Variants in ARSF observed in about 807,000 individuals in gnomAD.
The protein encoded by ARSF is arylsulfatase F.
ARSF carries 33 observed loss-of-function variants against 35.4 expected under a neutral mutation model. The observed-to-expected ratio is 0.93, with a 90% CI of 0.71 to 1.25. The LOEUF is 1.25. Ranked by LOEUF, ARSF falls within the 50% of genes most tolerant of loss-of-function variation. ARSF has a pLI of 0.00. For synonymous variants in ARSF, 222 were observed against 193.1 expected, an observed-to-expected ratio of 1.15 and a Z score of -1.24; for missense variants, 501 against 480.2, an observed-to-expected ratio of 1.04 and a Z score of -0.40.
intron 9 of ARSF, among the ~76,000 whole-genome samples, chrX:3,104,812 T>A (rs1448615597): frequency 8.9e-6 from 1 of 111,949 alleles, no homozygotes; most frequent in Non-Finnish European, 1.9e-5. Flanking sequence ...ACAGGAAGCT[T>A]TGGAGATGAA....
chrX:3,075,258 G>A (rs1164109905), intron 3 of ARSF, among the ~76,000 whole-genome samples: 2 of 111,685 alleles, frequency 1.8e-5, no homozygotes, highest in Non-Finnish European at 3.8e-5. Context: ...GAACCCTGCA[G>A]AACAACAGCT....
At chrX:3,046,961 G>GA (rs144220506) in intron 1 of ARSF, among the ~76,000 whole-genome samples, 102 of 103,952 alleles carry the variant, frequency 9.8e-4, no homozygotes, top group African/African-American at 2.4e-3. Context: ...TAGCTGATGA[G>GA]AAAAAAAAAA....
intron 9 of ARSF, among the ~76,000 whole-genome samples, chrX:3,109,202 C>A (rs1177850483): frequency 9.1e-6 from 1 of 110,111 alleles, no homozygotes; most frequent in Admixed American, 9.8e-5. Context: ...GCTTGTAATC[C>A]CAGCTACTTG....
At chrX:3,067,240 G>A (rs1018703656) in intron 1 of ARSF, among the ~76,000 whole-genome samples, 4 of 110,349 alleles carry the variant, frequency 3.6e-5, no homozygotes, top group African/African-American at 6.6e-5. Context: ...GGAGGAATGC[G>A]TTTGTATTTT....
At chrX:3,053,679 C>A (rs924553849) in intron 1 of ARSF, among the ~76,000 whole-genome samples, 7 of 109,623 alleles carry the variant, frequency 6.4e-5, no homozygotes, top group Non-Finnish European at 1.3e-4. Flanking sequence ...CGGCTCACTG[C>A]AACCTCCACC....
In ARSF at chrX:3,095,527, G is replaced by A. The variant is rs774878446; in HGVS notation, c.968-5560G>A. Among the ~76,000 whole-genome samples, 10 of 108,326 alleles carry A rather than the reference G, an allele frequency of 9.2e-5. No individual in the cohort carries two copies. The South Asian group carries it at 3.9e-3, about 42-fold the overall frequency. 94.1% of individuals were successfully genotyped at this position (108,326 alleles called of 115,157 possible). On this transcript the variant is annotated intron_variant, in intron 7 of 10. Coordinates refer to ENST00000381127, the MANE Select transcript of ARSF (RefSeq NM_001201539.2). ...TTATGCTATGCATATTATATATTATGTACATGTATACATCAGTACCATAGA... is the reference window on the plus strand; with the variant it reads ...TTATGCTATGCATATTATATATTATATACATGTATACATCAGTACCATAGA...
At chrX:3,052,403 C>A (rs1432863397) in intron 1 of ARSF, among the ~76,000 whole-genome samples, 1 of 112,238 alleles carries the variant, frequency 8.9e-6, no homozygotes, top group Non-Finnish European at 1.9e-5. Flanking sequence ...AGCTTTGATT[C>A]TTTAAGTATA....
At position 3,080,812 on chromosome X, in the gene ARSF, T is replaced by C; in HGVS notation, c.284-79T>C. Reference sequence around the variant, plus strand: ...ATTACCTTGCAGATGAGGATTTCAATGTGCAAATTTTGTAGTGACAAAAAT... The same window carrying C: ...ATTACCTTGCAGATGAGGATTTCAACGTGCAAATTTTGTAGTGACAAAAAT... On this transcript the variant is annotated intron_variant, in intron 4 of 10. Transcript: ENST00000381127. The C allele has an allele frequency of 1.8e-6, 2 of 1,131,175 alleles. 1 individual carries two copies. The highest frequency in any genetic ancestry group is 4.0e-5 in the South Asian group (2 of 49,630). The allele number at this position is 1,131,175 out of a possible 1,213,427, so 93.2% of individuals were successfully genotyped here. A position where few individuals can be genotyped will look rare whatever the true frequency, so the allele number is the denominator to read the frequency against.
intron 7 of ARSF, among the ~76,000 whole-genome samples, chrX:3,092,890 TGGCCGGGC>T (rs1569144459): frequency 8.9e-6 from 1 of 112,211 alleles, no homozygotes; most frequent in African/African-American, 3.2e-5. Context: ...TTATCATAGG[TGGCCGGGC>T]GCGGTGGCTC....
intron 9 of ARSF, among the ~76,000 whole-genome samples, chrX:3,106,209 CG>C (rs1381037842): frequency 8.9e-6 from 1 of 112,008 alleles, no homozygotes; most frequent in African/African-American, 3.2e-5. Flanking sequence ...TGTAGTTCAA[CG>C]GGAAGTGGAA....
chrX:3,060,148 A>G (rs1308170643), intron 1 of ARSF, among the ~76,000 whole-genome samples: 2 of 112,236 alleles, frequency 1.8e-5, no homozygotes, highest in African/African-American at 3.2e-5. Context: ...TGCAGCCTCC[A>G]CTGGTGATAT....
chrX:3,058,059 T>C (rs2090026139), intron 1 of ARSF, among the ~76,000 whole-genome samples: 1 of 112,225 alleles, frequency 8.9e-6, no homozygotes, highest in Non-Finnish European at 1.9e-5. Flanking sequence ...TTGTTCCTTT[T>C]CATTTCGTGT....
At chrX:3,112,078 T>C (rs768343123) in intron 10 of ARSF, 96 bp from the exon 11 acceptor site, 5 of 703,693 alleles carry the variant, frequency 7.1e-6, no homozygotes. Context: ...GTTTGTGGCC[T>C]GGGGACTGGG....
At chrX:3,105,942 G>A (rs1275835831) in intron 9 of ARSF, among the ~76,000 whole-genome samples, 1 of 111,876 alleles carries the variant, frequency 8.9e-6, no homozygotes, top group Admixed American at 9.5e-5. Flanking sequence ...GCACAATATT[G>A]TTACGTTGCA....
chrX:3,045,866 T>C, intron 1 of ARSF, among the ~76,000 whole-genome samples: 1 of 108,545 alleles, frequency 9.2e-6, no homozygotes, highest in Non-Finnish European at 1.9e-5. Context: ...ATGTCGCCTG[T>C]TTTTTTTGTT....
intron 1 of ARSF, among the ~76,000 whole-genome samples, chrX:3,063,481 AG>A (rs1227843910): frequency 9.8e-5 from 11 of 111,685 alleles, no homozygotes; most frequent in African/African-American, 3.6e-4. Flanking sequence ...AAAGAAAGAA[AG>A]GGTTTTCAAT....
chrX:3,093,547 A>G (rs897729497), intron 7 of ARSF, among the ~76,000 whole-genome samples: 2 of 112,095 alleles, frequency 1.8e-5, no homozygotes, highest in African/African-American at 6.5e-5. Context: ...GCTTAGGACA[A>G]TAGCCTCCAG....
At chrX:3,041,967 A>AT (rs1044034989) in intron 1 of ARSF, among the ~76,000 whole-genome samples, 7 of 112,213 alleles carry the variant, frequency 6.2e-5, no homozygotes, top group Admixed American at 5.7e-4. Context: ...GTCAGCATAC[A>AT]TGTTTGTTTG....
upstream of ARSF, among the ~76,000 whole-genome samples, chrX:3,040,402 T>A (rs1483049332): frequency 3.6e-5 from 4 of 110,972 alleles, no homozygotes; most frequent in Non-Finnish European, 5.7e-5. Context: ...CATTCTGAGC[T>A]GTTTTTCTAC....
Sources: allele counts gnomAD v4.1 joint callset (sites outside exome capture counted in the v4.1 genomes callset), GRCh38; gene constraint gnomAD v4.1.1; transcripts MANE v1.5; gene names NCBI Gene and HGNC (gene_info 2026-07-23, HGNC 2026-07-21).